Variants in FOCAD observed in about 807,000 individuals in gnomAD.
FOCAD encodes the protein KIAA1797.
Under a neutral mutation model 225.6 loss-of-function variants are expected in FOCAD, and 198 were observed. The ratio of observed to expected loss-of-function variants is 0.88; its 90% CI spans 0.78 to 0.99. The LOEUF is 0.99. FOCAD is among the 50% of genes least tolerant of loss of function. The pLI is 0.00. For synonymous variants in FOCAD, 897 were observed against 755.0 expected, an observed-to-expected ratio of 1.19 and a Z score of -3.08; for missense variants, 2,713 against 2,123.6, an observed-to-expected ratio of 1.28 and a Z score of -5.46.
Position 20,820,327 on chromosome 9 carries a change from T to C in FOCAD, c.1564T>C (p.Cys522Arg). Residue 522 changes from cysteine (C) to arginine (R), a missense_variant, in exon 13 of 44, where the codon TGT becomes CGT. Physicochemically the swap from Cys to Arg is radical, Grantham distance 180 (BLOSUM62 -3). Coordinates refer to ENST00000338382, the MANE Select transcript of FOCAD (RefSeq NM_001375567.1). ...TLPKLGVHKVCIGQILRIIQL... is the reference protein window; with the variant it reads ...TLPKLGVHKVRIGQILRIIQL... ...GAGTTTCTTCAATATTTTCTAGGTG[T>C]GTATAGGACAAATTCTACGAATAAT... 6.2e-7 allele frequency: 1 copy of C among 1,607,862 alleles called. No homozygotes were observed. Among genetic ancestry groups the C allele is most frequent in the South Asian group, 1.1e-5 (1 of 90,262 alleles).
intron 8 of FOCAD, 111 bp from the exon 9 acceptor site, chr9:20,778,570 T>TA: frequency 1.7e-6 from 1 of 603,362 alleles, no homozygotes; most frequent in Non-Finnish European, 3.0e-6. Context: ...TAAATTTGTG[T>TA]AATAGGCTTG....
chr9:20,716,546 CTTCTT>C (rs1381769079), intron 2 of FOCAD, among the ~76,000 whole-genome samples: 3 of 152,026 alleles, frequency 2.0e-5, no homozygotes, highest in Admixed American at 1.3e-4. Flanking sequence ...TTAAGCTTCT[CTTCTT>C]TTATTTCTTT....
At chr9:20,837,708 T>A (rs892516025) in intron 15 of FOCAD, among the ~76,000 whole-genome samples, 1 of 152,140 alleles carries the variant, frequency 6.6e-6, no homozygotes, top group Admixed American at 6.6e-5. Context: ...TATCTGTTTT[T>A]AAAAGTATTT....
chr9:20,696,409 A>G (rs1587245061), intron 1 of FOCAD, among the ~76,000 whole-genome samples: 1 of 152,350 alleles, frequency 6.6e-6, no homozygotes, highest in East Asian at 1.9e-4. Flanking sequence ...CACTGTATAC[A>G]TATATCAAAA....
At chr9:20,830,862 A>T (rs1035866074) in intron 15 of FOCAD, among the ~76,000 whole-genome samples, 1 of 151,878 alleles carries the variant, frequency 6.6e-6, no homozygotes, top group African/African-American at 2.4e-5. Context: ...TTTTGTAGAG[A>T]CAGAGTCTCA....
intron 10 of FOCAD, among the ~76,000 whole-genome samples, chr9:20,788,888 A>G (rs1237085241): frequency 6.6e-6 from 1 of 152,182 alleles, no homozygotes; most frequent in Non-Finnish European, 1.5e-5. Flanking sequence ...GTTCCTATCA[A>G]CATACTGTCT....
chr9:20,693,867 C>T (rs561306176), intron 1 of FOCAD, among the ~76,000 whole-genome samples: 13 of 152,252 alleles, frequency 8.5e-5, no homozygotes, highest in African/African-American at 2.9e-4. Flanking sequence ...CGTGCTTCCA[C>T]GCCTGGTTAA....
At chr9:20,736,220 A>G (rs1827145510) in intron 4 of FOCAD, among the ~76,000 whole-genome samples, 1 of 148,070 alleles carries the variant, frequency 6.8e-6, no homozygotes, top group Non-Finnish European at 1.5e-5. Flanking sequence ...TTAAGAGGTT[A>G]TAGGATTTTT....
At chr9:20,789,232 T>G (rs74707685) in intron 10 of FOCAD, 119 bp from the exon 11 acceptor site, 1 of 1,125,866 alleles carries the variant, frequency 8.9e-7, no homozygotes, top group Non-Finnish European at 1.3e-6. Context: ...TAATTCAATT[T>G]GTATTCATTT....
intron 22 of FOCAD, among the ~76,000 whole-genome samples, chr9:20,909,163 T>C (rs967422937): frequency 3.9e-5 from 6 of 152,102 alleles, no homozygotes; most frequent in African/African-American, 1.4e-4. Context: ...AATTTTTAAA[T>C]AAGAGCTATG....
chr9:20,817,001 A>C (rs1012704845), intron 11 of FOCAD, among the ~76,000 whole-genome samples: 3 of 152,110 alleles, frequency 2.0e-5, no homozygotes, highest in Admixed American at 2.0e-4. Context: ...TATCCATGGA[A>C]TGAGGTGTGC....
chr9:20,934,632 G>A (rs1256375214), intron 28 of FOCAD, among the ~76,000 whole-genome samples: 2 of 151,766 alleles, frequency 1.3e-5, no homozygotes, highest in Non-Finnish European at 2.9e-5. Flanking sequence ...ATGCTGTTTT[G>A]GTGAATGTGG....
intron 35 of FOCAD, among the ~76,000 whole-genome samples, chr9:20,968,348 T>C (rs1261979109): frequency 6.6e-6 from 1 of 151,900 alleles, no homozygotes; most frequent in Non-Finnish European, 1.5e-5. Flanking sequence ...ATGTTTTTTT[T>C]CTTAGTCTAG....
chr9:20,776,377 T>C (rs1207115534), intron 8 of FOCAD, among the ~76,000 whole-genome samples: 1 of 152,178 alleles, frequency 6.6e-6, no homozygotes, highest in African/African-American at 2.4e-5. Flanking sequence ...GCTGTAGCAT[T>C]TGAAGTGTGC....
chr9:20,821,813 A>G (rs1022654389), intron 14 of FOCAD, among the ~76,000 whole-genome samples: 5 of 151,944 alleles, frequency 3.3e-5, no homozygotes, highest in East Asian at 1.9e-4. Flanking sequence ...TGTTAATGAC[A>G]GCAGTGTGAA....
chr9:20,934,204 T>C (rs1005344009), intron 28 of FOCAD, among the ~76,000 whole-genome samples: 13 of 152,208 alleles, frequency 8.5e-5, no homozygotes, highest in African/African-American at 3.1e-4. Context: ...GCAAAAGCTC[T>C]TTCGTTTAAT....
intron 35 of FOCAD, among the ~76,000 whole-genome samples, chr9:20,972,579 G>T (rs765305012): frequency 6.6e-6 from 1 of 151,406 alleles, no homozygotes; most frequent in Admixed American, 6.6e-5. Context: ...TAGTTGTTCT[G>T]CTTTTCCTGC....
At chr9:20,910,510 T>C (rs942707257) in intron 22 of FOCAD, among the ~76,000 whole-genome samples, 1 of 152,072 alleles carries the variant, frequency 6.6e-6, no homozygotes. Context: ...TGTTTTGTTT[T>C]AAATGTGTAG....
intron 21 of FOCAD, among the ~76,000 whole-genome samples, chr9:20,885,843 A>G (rs1389075858): frequency 6.6e-6 from 1 of 152,188 alleles, no homozygotes. Flanking sequence ...CATATGATGT[A>G]TACAAATTAA....
Sources: allele counts gnomAD v4.1 joint callset (sites outside exome capture counted in the v4.1 genomes callset), GRCh38; gene constraint gnomAD v4.1.1; transcripts MANE v1.5; gene names NCBI Gene and HGNC (gene_info 2026-07-23, HGNC 2026-07-21).